The following JAZF1 variants were observed in gnomAD, a reference collection of about 807,000 sequenced individuals.
The protein encoded by JAZF1 is juxtaposed with another zinc finger protein 1.
In JAZF1, 8 loss-of-function variants were observed where a neutral mutation model predicts 26.4. The observed-to-expected ratio is 0.30, with a 90% CI of 0.18 to 0.55. JAZF1 has a LOEUF of 0.55. JAZF1 is among the 20% of genes least tolerant of loss of function. The pLI, the probability that JAZF1 is intolerant of heterozygous loss-of-function variation, is 0.94. For missense variants in JAZF1, 199 were observed against 322.0 expected (o/e 0.62, Z 2.92); for synonymous variants, 126 against 122.3 (o/e 1.03, Z -0.20).
intron 1 of JAZF1, among the ~76,000 whole-genome samples, chr7:28,112,027 CTT>C (rs909338987): frequency 6.6e-6 from 1 of 152,180 alleles, no homozygotes; most frequent in Non-Finnish European, 1.5e-5. Flanking sequence ...TTTCACTTTG[CTT>C]TTGTTTCCAG....
intron 2 of JAZF1, among the ~76,000 whole-genome samples, chr7:27,927,661 T>C (rs1784622253): frequency 6.6e-6 from 1 of 152,136 alleles, no homozygotes; most frequent in Non-Finnish European, 1.5e-5. Context: ...GCTATATTTC[T>C]CATTTGAATA....
At chr7:28,051,172 T>C (rs1304159258) in intron 1 of JAZF1, among the ~76,000 whole-genome samples, 1 of 141,738 alleles carries the variant, frequency 7.1e-6, no homozygotes. Flanking sequence ...TCTACTACTA[T>C]AACTGTTTTT....
chr7:27,936,215 A>C (rs1045553125), intron 2 of JAZF1, among the ~76,000 whole-genome samples: 1 of 152,266 alleles, frequency 6.6e-6, no homozygotes, highest in Admixed American at 6.5e-5. Context: ...GACACAAAGA[A>C]TGAGAAGTCA....
intron 2 of JAZF1, among the ~76,000 whole-genome samples, chr7:27,956,087 G>C (rs1785086677): frequency 6.6e-6 from 1 of 152,210 alleles, no homozygotes; most frequent in African/African-American, 2.4e-5. Context: ...TGAGGTAGCA[G>C]AGATGAAGTA....
chr7:27,875,529 C>T (rs1783664007), intron 3 of JAZF1, among the ~76,000 whole-genome samples: 1 of 152,202 alleles, frequency 6.6e-6, no homozygotes. Context: ...ACCCACCAGA[C>T]CTAGCTAGCC....
intron 1 of JAZF1, among the ~76,000 whole-genome samples, chr7:28,132,543 C>T (rs972823629): frequency 1.5e-4 from 23 of 152,144 alleles, no homozygotes; most frequent in Admixed American, 5.2e-4. Context: ...GAAATTATTG[C>T]GACGGCAATT....
chr7:28,080,532 T>C (rs1284601966), intron 1 of JAZF1, among the ~76,000 whole-genome samples: 1 of 152,228 alleles, frequency 6.6e-6, no homozygotes, highest in Non-Finnish European at 1.5e-5. Flanking sequence ...CTCACTAAGC[T>C]TAATCCTTGC....
At chr7:27,945,297 G>A (rs569991793) in intron 2 of JAZF1, among the ~76,000 whole-genome samples, 103 of 152,236 alleles carry the variant, frequency 6.8e-4, no homozygotes, top group African/African-American at 2.4e-3. Flanking sequence ...AAGATGTCCA[G>A]GGAAGCCCAG....
At chr7:28,101,695 G>C (rs950981405) in intron 1 of JAZF1, among the ~76,000 whole-genome samples, 1 of 151,844 alleles carries the variant, frequency 6.6e-6, no homozygotes, top group African/African-American at 2.4e-5. Context: ...AGTGAGCTGT[G>C]ATCCTGCCGC....
intron 2 of JAZF1, among the ~76,000 whole-genome samples, chr7:27,916,459 C>T (rs1859109): frequency 0.95 from 145,176 of 152,294 alleles, 69,293 homozygotes; most frequent in East Asian, 1. Flanking sequence ...CCTCAATGGA[C>T]TAATACATGA....
At chr7:27,976,127 G>A (rs1406599363) in intron 2 of JAZF1, among the ~76,000 whole-genome samples, 4 of 152,030 alleles carry the variant, frequency 2.6e-5, no homozygotes, top group Admixed American at 1.3e-4. Context: ...GGCGGATCAC[G>A]AGGTCAAGAG....
At chr7:27,872,709 C>A (rs1416535847) in intron 3 of JAZF1, among the ~76,000 whole-genome samples, 1 of 152,194 alleles carries the variant, frequency 6.6e-6, no homozygotes, top group Non-Finnish European at 1.5e-5. Flanking sequence ...TGCTTCCCTG[C>A]TAGTTGCAGC....
chr7:28,138,347 A>T (rs1782915533), intron 1 of JAZF1, among the ~76,000 whole-genome samples: 1 of 152,198 alleles, frequency 6.6e-6, no homozygotes, highest in African/African-American at 2.4e-5. Flanking sequence ...AATCCAACCT[A>T]CTATTAATTA....
intron 2 of JAZF1, among the ~76,000 whole-genome samples, chr7:27,912,608 CTGT>C (rs748694379): frequency 6.6e-6 from 1 of 152,040 alleles, no homozygotes; most frequent in African/African-American, 2.4e-5. Context: ...TTAGAATGGG[CTGT>C]TAAGATTAAG....
At chr7:28,120,234 G>A (rs1784817704) in intron 1 of JAZF1, among the ~76,000 whole-genome samples, 1 of 151,586 alleles carries the variant, frequency 6.6e-6, no homozygotes, top group African/African-American at 2.4e-5. Context: ...TTAGAGTAAA[G>A]GTCTTAGAGG....
intron 3 of JAZF1, among the ~76,000 whole-genome samples, chr7:27,847,563 G>C (rs1783053979): frequency 6.6e-6 from 1 of 152,130 alleles, no homozygotes; most frequent in Non-Finnish European, 1.5e-5. Flanking sequence ...TGTTCCCTCT[G>C]TGCCCTCGTC....
chr7:28,056,684 T>C (rs1299713813), intron 1 of JAZF1, among the ~76,000 whole-genome samples: 1 of 152,182 alleles, frequency 6.6e-6, no homozygotes, highest in Non-Finnish European at 1.5e-5. Context: ...GGGCTCAGGC[T>C]GCTTCTACAA....
intron 1 of JAZF1, among the ~76,000 whole-genome samples, chr7:28,113,592 T>TGCTA (rs1384603672): frequency 2.0e-5 from 3 of 152,190 alleles, no homozygotes; most frequent in Non-Finnish European, 4.4e-5. Context: ...CCAGGCACAG[T>TGCTA]GCTAGGCCCC....
intron 1 of JAZF1, among the ~76,000 whole-genome samples, chr7:28,078,804 T>C (rs1784093337): frequency 6.6e-6 from 1 of 152,174 alleles, no homozygotes; most frequent in East Asian, 1.9e-4. Flanking sequence ...CTACCTTCCC[T>C]GTTACTTTGG....
Sources: allele counts gnomAD v4.1 joint callset (sites outside exome capture counted in the v4.1 genomes callset), GRCh38; gene constraint gnomAD v4.1.1; transcripts MANE v1.5; gene names NCBI Gene and HGNC (gene_info 2026-07-23, HGNC 2026-07-21).